INSL6: variants seen among roughly 807,000 people sequenced by gnomAD.
The protein encoded by INSL6 is insulin like 6.
INSL6 carries 16 observed loss-of-function variants against 9.4 expected under a neutral mutation model. The ratio of observed to expected loss-of-function variants is 1.70; its 90% confidence interval spans 1.15 to 2.59. INSL6 has a LOEUF of 2.59. INSL6 is among the 30% of genes most tolerant of loss of function. The probability of loss-of-function intolerance (pLI) is 0.00; values close to 1 mark genes in which losing one functional copy is unlikely to be tolerated. For synonymous variants in INSL6, 154 were observed against 96.9 expected (o/e 1.59, Z -3.46); for missense variants, 391 against 257.3 (o/e 1.52, Z -3.56).
chr9:5,117,019 A>C, the INSL6 span, among the ~76,000 whole-genome samples: 1 of 152,224 alleles, frequency 6.6e-6, no homozygotes, highest in African/African-American at 2.4e-5. Flanking sequence ...GGCCCTTATA[A>C]GAGGCTTCAT....
chr9:5,101,523 C>G, the INSL6 span, among the ~76,000 whole-genome samples: 1 of 152,246 alleles, frequency 6.6e-6, no homozygotes, highest in Non-Finnish European at 1.5e-5. Context: ...CTGAAGAGAG[C>G]AGTGTTTCTA....
chr9:5,054,784 C>T, the INSL6 span: 14 of 1,612,676 alleles, frequency 8.7e-6, no homozygotes, highest in Non-Finnish European at 1.7e-6. The surrounding 1 kb of genome is among the most constrained non-coding windows in gnomAD (Gnocchi z 4.9). Context: ...GGAAGTGGTC[C>T]TTCAGGTGAG....
chr9:5,022,765 C>G, the INSL6 span, among the ~76,000 whole-genome samples: 1 of 152,118 alleles, frequency 6.6e-6, no homozygotes, highest in Non-Finnish European at 1.5e-5. Flanking sequence ...TTCTATAGAG[C>G]TAACACATTT....
At chr9:5,037,390 A>G in the INSL6 span, among the ~76,000 whole-genome samples, 3 of 152,322 alleles carry the variant, frequency 2.0e-5, no homozygotes, top group East Asian at 1.9e-4. Flanking sequence ...TCATGCTGCT[A>G]TAAAGACACA....
At chr9:5,110,841 T>TG in the INSL6 span, 565 of 460,976 alleles carry the variant, frequency 1.2e-3, 1 homozygote, top group Non-Finnish European at 2.1e-3. Flanking sequence ...TCGGGGAAGG[T>TG]GGGGGGGACG....
chr9:5,088,366 A>G, the INSL6 span, among the ~76,000 whole-genome samples: 150 of 152,342 alleles, frequency 9.8e-4, no homozygotes, highest in Non-Finnish European at 1.5e-3. Flanking sequence ...GTCACTTAGA[A>G]TCTTGTAACT....
chr9:5,010,443 C>A, the INSL6 span, among the ~76,000 whole-genome samples: 1 of 152,092 alleles, frequency 6.6e-6, no homozygotes, highest in Non-Finnish European at 1.5e-5. Context: ...GCCTCAGCCT[C>A]CCGTGTAGCT....
chr9:5,122,708 T>C (rs1823705392), downstream of INSL6, among the ~76,000 whole-genome samples: 1 of 151,972 alleles, frequency 6.6e-6, no homozygotes, highest in Non-Finnish European at 1.5e-5. Context: ...GCCTGGCACA[T>C]ACTAAAGTTA....
At chr9:5,128,493 T>C (rs1397171442) in intron 3 of INSL6, among the ~76,000 whole-genome samples, 1 of 151,908 alleles carries the variant, frequency 6.6e-6, no homozygotes, top group Non-Finnish European at 1.5e-5. Flanking sequence ...TCATACAATA[T>C]GCTTGATTTC....
At chr9:5,185,283 G>C (rs775407670) in intron 1 of INSL6, 31 bp downstream of exon 1, 3 of 1,613,720 alleles carry the variant, frequency 1.9e-6, no homozygotes, top group Admixed American at 1.7e-5. Flanking sequence ...ATACAGAGGT[G>C]AACAAACATG....
chr9:5,111,745 C>T, the INSL6 span: 25 of 427,438 alleles, frequency 5.8e-5, no homozygotes, highest in South Asian at 4.2e-4. Flanking sequence ...ACCGGCTGCA[C>T]GGAGGAGAAG....
the INSL6 span, among the ~76,000 whole-genome samples, chr9:5,005,724 A>C: frequency 7.9e-5 from 12 of 152,156 alleles, no homozygotes; most frequent in Non-Finnish European, 1.2e-4. Context: ...GAGAGTTTGT[A>C]TAAGCTCAAT....
chr9:5,000,175 T>G, the INSL6 span, among the ~76,000 whole-genome samples: 3 of 152,190 alleles, frequency 2.0e-5, no homozygotes, highest in Non-Finnish European at 4.4e-5. Context: ...AAGTTTTGAT[T>G]ATAGTGTTTA....
the INSL6 span, chr9:5,054,542 T>A: frequency 6.5e-7 from 1 of 1,532,440 alleles, no homozygotes; most frequent in African/African-American, 1.4e-5. The surrounding 1 kb of genome is among the most constrained non-coding windows in gnomAD (Gnocchi z 4.9). Context: ...TGTTTTTCTG[T>A]ATGTGCTTTT....
chr9:5,158,557 G>A (rs1824863051), intron 2 of INSL6, among the ~76,000 whole-genome samples: 1 of 152,054 alleles, frequency 6.6e-6, no homozygotes, highest in African/African-American at 2.4e-5. Flanking sequence ...AAACCTTACA[G>A]GCCAGGAGAG....
the INSL6 span, among the ~76,000 whole-genome samples, chr9:5,005,207 C>T: frequency 6.9e-6 from 1 of 144,572 alleles, no homozygotes; most frequent in African/African-American, 2.6e-5. Flanking sequence ...ACCTTGGCCT[C>T]CCAAAGTTTT....
Position 5,170,607 on chromosome 9 carries a change from A to G in INSL6, c.290-6342T>C, listed in dbSNP as rs182189952. Among the ~76,000 whole-genome samples, 492 of 151,480 alleles carry G rather than the reference A, an allele frequency of 3.2e-3. 6 individuals carry two copies. The highest frequency in any genetic ancestry group is 4.1e-3 in the Non-Finnish European group (279 of 67,854). On this transcript the variant is annotated intron_variant, in intron 1 of 1. Coordinates refer to ENST00000381641, the MANE Select transcript of INSL6 (RefSeq NM_007179.3). The stretch of plus-strand genomic sequence containing the variant: ...AAAATAGACCACTAGGTAGGCTAAT[A>G]AAGAAATGAAAGAAGAATCAAATAG...
chr9:5,182,587 C>G (rs115927247), intron 1 of INSL6, among the ~76,000 whole-genome samples: 2,982 of 151,796 alleles, frequency 0.02, 119 homozygotes, highest in African/African-American at 0.069. Context: ...TTTTGTTGAA[C>G]TAATATATAA....
At position 5,131,435 on chromosome 9, in the gene INSL6, A is replaced by ATT. The variant is rs550915336; in HGVS notation, c.*10+1988_*10+1989dup. Among the ~76,000 whole-genome samples, 58 of 115,834 alleles carry ATT rather than the reference A, an allele frequency of 5.0e-4. 6 individuals carry two copies. Among genetic ancestry groups the ATT allele is most frequent in the African/African-American group, 2.2e-3 (54 of 24,956 alleles). 76.0% of individuals were successfully genotyped at this position (115,834 alleles called of 152,430 possible). A position where few individuals can be genotyped will look rare whatever the true frequency, so the allele number is the denominator to read the frequency against. On this transcript the variant is annotated intron_variant, in intron 3 of 3. Coordinates refer to the INSL6 transcript ENST00000649639. ...AATTCTTTAACACCACCAGTTAACAATTTTTTTTTTTTTTTTTTTGAGACA... is the reference window on the plus strand; with the variant it reads ...AATTCTTTAACACCACCAGTTAACAATTTTTTTTTTTTTTTTTTTTTGAGACA...
Sources: gnomAD v4.1 joint callset for allele counts (sites outside exome capture counted in the v4.1 genomes callset) on GRCh38, gnomAD v4.1.1 for gene constraint, Gnocchi (gnomAD v3.1) non-coding constraint, MANE v1.5 for transcripts, NCBI Gene and HGNC (gene_info 2026-07-23, HGNC 2026-07-21) for gene names.